The following TMEM268 variants were observed in gnomAD, a reference collection of about 807,000 sequenced individuals.
The protein encoded by TMEM268 is transmembrane protein 268, also known as transmembrane protein C9orf91.
A neutral mutation model predicts 39.1 loss-of-function variants in TMEM268; 24 were observed. The ratio of observed to expected loss-of-function variants is 0.61; its 90% confidence interval spans 0.44 to 0.86. The LOEUF is 0.86. TMEM268 is among the 40% of genes least tolerant of loss of function. The pLI is 0.00. For synonymous variants in TMEM268, 176 were observed against 173.5 expected (o/e 1.01, Z -0.12); for missense variants, 409 against 428.6 (o/e 0.95, Z 0.40).
upstream of TMEM268, among the ~76,000 whole-genome samples, chr9:114,606,650 C>G (rs971799539): frequency 6.6e-6 from 1 of 152,060 alleles, no homozygotes; most frequent in Non-Finnish European, 1.5e-5. Flanking sequence ...TTCTATTTTG[C>G]AGATTAGGAA....
intron 5 of TMEM268, among the ~76,000 whole-genome samples, chr9:114,629,783 T>A (rs1174231099): frequency 6.6e-6 from 1 of 152,138 alleles, no homozygotes; most frequent in East Asian, 1.9e-4. Context: ...AAATCAGCAT[T>A]TGGGGTGTGA....
intron 1 of TMEM268, among the ~76,000 whole-genome samples, chr9:114,615,160 G>A (rs1205942450): frequency 6.6e-6 from 1 of 152,136 alleles, no homozygotes; most frequent in Non-Finnish European, 1.5e-5. Flanking sequence ...GCCTCCCAAA[G>A]TGCTGGGATT....
intron 5 of TMEM268, among the ~76,000 whole-genome samples, chr9:114,631,454 A>G (rs4979448): frequency 6.6e-6 from 1 of 151,768 alleles, no homozygotes; most frequent in South Asian, 2.1e-4. Flanking sequence ...TGATATTATC[A>G]GCTGACATGT....
intron 8 of TMEM268, among the ~76,000 whole-genome samples, chr9:114,639,505 T>A (rs1302144447): frequency 6.6e-6 from 1 of 152,082 alleles, no homozygotes; most frequent in Admixed American, 6.5e-5. Context: ...AGACCAGAAT[T>A]CTGAAAATGT....
In TMEM268 at chr9:114,617,887, T is replaced by A. The variant is rs558801098; in HGVS notation, c.106+586T>A. ...GAGGTTTTTAATTTTTTATTTTTTT[T>A]ATTTTTTGAGATGGAGTCCCACTCT... On this transcript the variant is annotated intron_variant, in intron 2 of 8. Coordinates refer to ENST00000288502, the MANE Select transcript of TMEM268 (RefSeq NM_153045.4). Among the ~76,000 whole-genome samples the A allele has an allele frequency of 5.7e-3, 855 of 150,704 alleles. 8 individuals are homozygous for A. The highest frequency in any genetic ancestry group is 0.019 in the African/African-American group (803 of 41,270).
intron 4 of TMEM268, among the ~76,000 whole-genome samples, chr9:114,627,415 A>G (rs1846210354): frequency 6.6e-6 from 1 of 152,176 alleles, no homozygotes; most frequent in Non-Finnish European, 1.5e-5. Context: ...ACATATGTAT[A>G]TATATATAAA....
At chr9:114,642,543 A>G (rs1456869044) in intron 8 of TMEM268, among the ~76,000 whole-genome samples, 1 of 152,136 alleles carries the variant, frequency 6.6e-6, no homozygotes, top group Middle Eastern at 3.2e-3. Flanking sequence ...AGTCACTTTG[A>G]TCTCATGTAC....
intron 3 of TMEM268, among the ~76,000 whole-genome samples, chr9:114,625,776 A>G (rs1005144788): frequency 4.0e-5 from 6 of 150,962 alleles, no homozygotes. Context: ...CAGTTTACGT[A>G]TTGTTCTACC....
At chr9:114,641,955 A>G (rs1422279431) in intron 8 of TMEM268, among the ~76,000 whole-genome samples, 2 of 152,174 alleles carry the variant, frequency 1.3e-5, no homozygotes, top group Non-Finnish European at 2.9e-5. Flanking sequence ...GTGTCTTTAA[A>G]AAAGAAAAAA....
chr9:114,633,899 C>T (rs192709828), intron 6 of TMEM268, 21 bp downstream of exon 6: 489 of 1,429,520 alleles, frequency 3.4e-4, no homozygotes, highest in Non-Finnish European at 4.4e-4. Context: ...TCATAGTTAC[C>T]TCTTCCTGAT....
chr9:114,626,829 A>G, intron 3 of TMEM268, 70 bp from the exon 4 acceptor site: 1 of 1,171,314 alleles, frequency 8.5e-7, no homozygotes, highest in Non-Finnish European at 1.3e-6. Flanking sequence ...CCCCTTCCAC[A>G]TGATAGTCAC....
upstream of TMEM268, among the ~76,000 whole-genome samples, chr9:114,607,843 T>C (rs1435591157): frequency 6.6e-6 from 1 of 152,004 alleles, no homozygotes; most frequent in East Asian, 1.9e-4. Context: ...GGAGACAACT[T>C]TCCAGATGGG....
intron 8 of TMEM268, 36 bp downstream of exon 8, chr9:114,638,762 C>T (rs776571108): frequency 1.4e-6 from 2 of 1,479,576 alleles, no homozygotes; most frequent in Non-Finnish European, 1.8e-6. Flanking sequence ...GCCATCTTCC[C>T]TCGGGGGAAT....
chr9:114,634,439 G>A (rs1035662881), intron 6 of TMEM268, among the ~76,000 whole-genome samples: 5 of 152,212 alleles, frequency 3.3e-5, no homozygotes, highest in African/African-American at 9.6e-5. Flanking sequence ...TGAAGGCCTT[G>A]TTTGCCTGGC....
rs200137316 is a variant in TMEM268 at position 114,623,094 on chromosome 9, A to AAAC, written c.107-1229_107-1227dup. On this transcript the variant is annotated intron_variant, in intron 2 of 8. Coordinates refer to ENST00000288502, the MANE Select transcript of TMEM268 (RefSeq NM_153045.4). ...GACAGAGAGAGACTCTGTCTCCAAA[A>AAAC]AACAACAACAACAACAACAACAACA... Among the ~76,000 whole-genome samples the AAAC allele has an allele frequency of 7.3e-3, 1,107 of 151,750 alleles. 3 individuals carry two copies. The highest frequency in any genetic ancestry group is 0.018 in the African/African-American group (744 of 41,348).
intron 6 of TMEM268, among the ~76,000 whole-genome samples, 185 bp downstream of exon 6, chr9:114,634,063 A>G (rs543727093): frequency 3.9e-5 from 6 of 152,292 alleles, no homozygotes; most frequent in African/African-American, 4.8e-5. Flanking sequence ...TTCTCTGTGC[A>G]GTAACCAGTG....
chr9:114,643,162 T>C lies in TMEM268; in HGVS notation c.878T>C (p.Phe293Ser), dbSNP rs1200225378. 2 of 1,614,144 alleles carry C rather than the reference T, an allele frequency of 1.2e-6. No individual in the cohort carries two copies. Among genetic ancestry groups the C allele is most frequent in the Admixed American group, 1.7e-5 (1 of 60,014 alleles). ...ATGGCCCGCCAGCTGCTGGCAGTGT[T>C]TGGCGGCTACTACATCCGGCTTCTA... ...EEMARQLLAV[F>S]GGYYIRLLVT... The change falls in exon 9 of 9, where the codon TTT (phenylalanine) becomes TCT (serine). Residue 293 changes from phenylalanine (F) to serine (S), a missense_variant. Physicochemically the swap from Phe to Ser is radical, Grantham distance 155 (BLOSUM62 -2). Transcript: ENST00000288502.
At chr9:114,625,708 G>A (rs1474827899) in intron 3 of TMEM268, among the ~76,000 whole-genome samples, 1 of 151,898 alleles carries the variant, frequency 6.6e-6, no homozygotes, top group African/African-American at 2.4e-5. Context: ...CTCCCAAAGT[G>A]CTGGGATTAT....
At chr9:114,622,006 C>A in intron 2 of TMEM268, 1 of 782,686 alleles carries the variant, frequency 1.3e-6, no homozygotes, top group Non-Finnish European at 1.6e-6. Flanking sequence ...GGTAGGTTTG[C>A]AGCAGAAGCC....
Sources: gnomAD v4.1 joint callset for allele counts (sites outside exome capture counted in the v4.1 genomes callset) on GRCh38, gnomAD v4.1.1 for gene constraint, MANE v1.5 for transcripts, NCBI Gene and HGNC (gene_info 2026-07-23, HGNC 2026-07-21) for gene names.